Variants in SGCZ observed in about 807,000 individuals in gnomAD.
SGCZ encodes the protein zeta-sarcoglycan.
Under a neutral mutation model 41.3 loss-of-function variants are expected in SGCZ, and 40 were observed. That is an observed-to-expected ratio of 0.97 (90% CI 0.75 to 1.26). SGCZ has a LOEUF of 1.26. Ranked by LOEUF, SGCZ falls within the 50% of genes most tolerant of loss-of-function variation. The pLI, the probability that SGCZ is intolerant of heterozygous loss-of-function variation, is 0.00. For missense variants in SGCZ, 552 were observed against 369.8 expected, an observed-to-expected ratio of 1.49 and a Z score of -4.04; for synonymous variants, 206 against 137.5, an observed-to-expected ratio of 1.50 and a Z score of -3.49.
intron 4 of SGCZ, among the ~76,000 whole-genome samples, chr8:14,208,495 ATT>A (rs1289779230): frequency 4.0e-4 from 61 of 152,320 alleles, no homozygotes; most frequent in African/African-American, 1.4e-3. Context: ...ATCAAAAATA[ATT>A]TTGTCAACCA....
chr8:14,869,430 A>G (rs778263868), intron 1 of SGCZ, among the ~76,000 whole-genome samples: 1 of 152,166 alleles, frequency 6.6e-6, no homozygotes, highest in African/African-American at 2.4e-5. Context: ...GCATTGATGG[A>G]ACATATCTCA....
chr8:14,382,679 G>A (rs549822179), intron 2 of SGCZ, among the ~76,000 whole-genome samples: 19 of 152,302 alleles, frequency 1.2e-4, no homozygotes, highest in Admixed American at 1.2e-3. Flanking sequence ...TAAGTGCTCA[G>A]AACATCAAGA....
At chr8:14,856,192 T>C (rs1803540106) in intron 1 of SGCZ, among the ~76,000 whole-genome samples, 2 of 152,156 alleles carry the variant, frequency 1.3e-5, no homozygotes, top group East Asian at 3.8e-4. Context: ...TTAGCTAAGA[T>C]TAGTTATTTA....
At chr8:14,420,654 T>A (rs1799614114) in intron 2 of SGCZ, among the ~76,000 whole-genome samples, 1 of 152,070 alleles carries the variant, frequency 6.6e-6, no homozygotes, top group Admixed American at 6.6e-5. Context: ...TAGATCCTGT[T>A]CAGCAATAGA....
chr8:14,874,687 G>A (rs1296294202), intron 1 of SGCZ, among the ~76,000 whole-genome samples: 1 of 151,984 alleles, frequency 6.6e-6, no homozygotes, highest in African/African-American at 2.4e-5. Flanking sequence ...ATCAAGTGAT[G>A]TGCTATCTTC....
At chr8:15,195,748 T>TA (rs1161338907) in intron 1 of SGCZ, among the ~76,000 whole-genome samples, 3 of 152,012 alleles carry the variant, frequency 2.0e-5, no homozygotes, top group African/African-American at 4.8e-5. Flanking sequence ...ATTTTTCATC[T>TA]AAAAAAAACT....
At chr8:14,790,679 TA>T (rs1800921517) in intron 1 of SGCZ, among the ~76,000 whole-genome samples, 1 of 152,104 alleles carries the variant, frequency 6.6e-6, no homozygotes, top group South Asian at 2.1e-4. Context: ...ACTGGAAGAA[TA>T]ATTGAAAACA....
chr8:14,604,165 TA>T (rs1430797044), intron 1 of SGCZ, among the ~76,000 whole-genome samples: 1 of 152,198 alleles, frequency 6.6e-6, no homozygotes, highest in Non-Finnish European at 1.5e-5. Flanking sequence ...TACTGTAATG[TA>T]CGGATGCCAC....
chr8:14,729,789 A>G (rs1810172038), intron 1 of SGCZ, among the ~76,000 whole-genome samples: 1 of 152,216 alleles, frequency 6.6e-6, no homozygotes, highest in African/African-American at 2.4e-5. Flanking sequence ...TGGTTAAAAT[A>G]TAGTGCCTTT....
At chr8:14,118,216 C>G (rs528183218) in intron 5 of SGCZ, among the ~76,000 whole-genome samples, 207 of 152,232 alleles carry the variant, frequency 1.4e-3, no homozygotes, top group African/African-American at 4.9e-3. Flanking sequence ...TAAAAGTGTT[C>G]CTATTTCTCC....
intron 1 of SGCZ, among the ~76,000 whole-genome samples, chr8:15,154,552 C>A (rs1799273496): frequency 6.6e-6 from 1 of 152,158 alleles, no homozygotes; most frequent in Non-Finnish European, 1.5e-5. Flanking sequence ...AATAGTCTAT[C>A]ATGGAGTAAA....
At chr8:14,840,330 A>G (rs917980918) in intron 1 of SGCZ, among the ~76,000 whole-genome samples, 1 of 152,144 alleles carries the variant, frequency 6.6e-6, no homozygotes, top group South Asian at 2.1e-4. Flanking sequence ...ATAAGATTAT[A>G]GTGTGGTTTC....
At chr8:14,947,356 G>C (rs193163354) in intron 1 of SGCZ, among the ~76,000 whole-genome samples, 1 of 152,248 alleles carries the variant, frequency 6.6e-6, no homozygotes, top group Non-Finnish European at 1.5e-5. Context: ...ATCGATTTAG[G>C]CTTATAGTGC....
At chr8:14,123,816 C>A (rs1802771826) in intron 5 of SGCZ, among the ~76,000 whole-genome samples, 1 of 152,114 alleles carries the variant, frequency 6.6e-6, no homozygotes, top group South Asian at 2.1e-4. Flanking sequence ...AAGGGTAATT[C>A]AGATGACAAA....
At chr8:15,189,268 G>C (rs1365550311) in intron 1 of SGCZ, among the ~76,000 whole-genome samples, 2 of 151,968 alleles carry the variant, frequency 1.3e-5, no homozygotes, top group Admixed American at 6.6e-5. Context: ...AGAGCAAAGA[G>C]TTTGACCAAG....
intron 2 of SGCZ, among the ~76,000 whole-genome samples, chr8:14,345,640 C>A (rs142227704): frequency 6.6e-6 from 1 of 152,086 alleles, no homozygotes; most frequent in African/African-American, 2.4e-5. Flanking sequence ...TATTTCCCAG[C>A]TTTCCCAGAA....
At chr8:14,443,128 GAACCACA>G (rs986951609) in intron 2 of SGCZ, among the ~76,000 whole-genome samples, 2 of 151,366 alleles carry the variant, frequency 1.3e-5, no homozygotes, top group African/African-American at 4.9e-5. Flanking sequence ...TCTTCAAGGA[GAACCACA>G]AACCACTGCT....
chr8:14,417,412 A>G (rs1455032220), intron 2 of SGCZ, among the ~76,000 whole-genome samples: 1 of 151,778 alleles, frequency 6.6e-6, no homozygotes, highest in Non-Finnish European at 1.5e-5. Flanking sequence ...CTTTGATTAC[A>G]CCTAAGATTA....
At chr8:14,102,350 C>T (rs781084125) in intron 7 of SGCZ, 26 bp downstream of exon 7, 34 of 1,441,582 alleles carry the variant, frequency 2.4e-5, no homozygotes, top group Admixed American at 6.4e-5. Flanking sequence ...CAGTATAGGG[C>T]GAGGGTCCAA....
Sources: gnomAD v4.1 joint callset for allele counts (sites outside exome capture counted in the v4.1 genomes callset) on GRCh38, gnomAD v4.1.1 for gene constraint, MANE v1.5 for transcripts, NCBI Gene and HGNC (gene_info 2026-07-23, HGNC 2026-07-21) for gene names.